Variants in ESYT2 observed in about 807,000 individuals in gnomAD.
ESYT2 encodes extended synaptotagmin 2, also known as extended synaptotagmin-2.
ESYT2 carries 54 observed loss-of-function variants against 107.2 expected under a neutral mutation model. The ratio of observed to expected loss-of-function variants is 0.50; its 90% confidence interval spans 0.40 to 0.63. The LOEUF (loss-of-function observed/expected upper bound fraction) is 0.63. ESYT2 is among the 30% of genes least tolerant of loss of function. The pLI, the probability that ESYT2 is intolerant of heterozygous loss-of-function variation, is 0.00. For synonymous variants in ESYT2, 491 were observed against 434.1 expected, an observed-to-expected ratio of 1.13 and a Z score of -1.63; for missense variants, 1,020 against 1,094.5, an observed-to-expected ratio of 0.93 and a Z score of 0.96.
rs574417376 is a variant in ESYT2, at chr7:158,747,083, C to T, written c.1644+1111G>A. 7.9e-5 allele frequency among the ~76,000 whole-genome samples: 12 copies of T among 151,246 alleles called. No individual in the cohort carries two copies. In the South Asian group the frequency reaches 1.3e-3, roughly 16 times the overall value. ...CAAAGAGGCGGGGTGCGTTGGCTCA[C>T]GCCTGTAATCCCAGCACGTTGGGAG... On this transcript the variant is annotated intron_variant, in intron 16 of 22. Coordinates refer to ENST00000275418, the MANE Select transcript of ESYT2 (RefSeq NM_001367773.1).
At chr7:158,782,125 A>G (rs191099998) in intron 6 of ESYT2, among the ~76,000 whole-genome samples, 10 of 86,454 alleles carry the variant, frequency 1.2e-4, no homozygotes, top group African/African-American at 4.7e-4. Flanking sequence ...GTGTGAGTGT[A>G]AGAACGAGAA....
At chr7:158,760,272 G>A (rs971258785) in intron 11 of ESYT2, 125 bp from the exon 12 acceptor site, 17 of 799,478 alleles carry the variant, frequency 2.1e-5, no homozygotes, top group Admixed American at 4.4e-5. Context: ...TCTCAGTAAC[G>A]CGAAGGCTGA....
chr7:158,827,055 C>T (rs1289894669), intron 1 of ESYT2, among the ~76,000 whole-genome samples: 2 of 149,596 alleles, frequency 1.3e-5, no homozygotes, highest in African/African-American at 2.5e-5. Flanking sequence ...CCCAGCTACT[C>T]GGGAGGCTGA....
intron 1 of ESYT2, among the ~76,000 whole-genome samples, chr7:158,820,316 CAATAT>C (rs1013844087): frequency 1.3e-5 from 2 of 152,148 alleles, no homozygotes; most frequent in East Asian, 1.9e-4. Context: ...TAGTTAGCAA[CAATAT>C]AATATATTCT....
At chr7:158,782,646 A>G (rs1457742189) in intron 6 of ESYT2, among the ~76,000 whole-genome samples, 1 of 50,064 alleles carries the variant, frequency 2.0e-5, no homozygotes, top group African/African-American at 4.8e-5. Context: ...ATGTGAGAAC[A>G]AAGAAGTATT....
At chr7:158,817,936 G>T (rs1470526039) in intron 1 of ESYT2, among the ~76,000 whole-genome samples, 1 of 152,082 alleles carries the variant, frequency 6.6e-6, no homozygotes, top group Admixed American at 6.5e-5. Context: ...TAATATTTAT[G>T]GCATGAAGTT....
chr7:158,794,875 C>T (rs1276003778), intron 3 of ESYT2, among the ~76,000 whole-genome samples: 3 of 152,216 alleles, frequency 2.0e-5, no homozygotes, highest in African/African-American at 7.2e-5. Flanking sequence ...TCAAATCAAA[C>T]TCTAAGCCTT....
chr7:158,739,364 G>A (rs1405610149), intron 18 of ESYT2, among the ~76,000 whole-genome samples: 1 of 152,120 alleles, frequency 6.6e-6, no homozygotes, highest in Admixed American at 6.5e-5. Context: ...TTTGTTTTTT[G>A]AGACGGAGTT....
At chr7:158,744,868 A>G (rs73729979) in intron 16 of ESYT2, among the ~76,000 whole-genome samples, 262 of 152,372 alleles carry the variant, frequency 1.7e-3, no homozygotes, top group African/African-American at 6.0e-3. Context: ...AAACTAAACT[A>G]TAATCACAAA....
intron 10 of ESYT2, 104 bp from the exon 11 acceptor site, chr7:158,761,648 C>T: frequency 1.9e-6 from 2 of 1,052,118 alleles, no homozygotes; most frequent in South Asian, 1.4e-5. Flanking sequence ...CAACCTTAAG[C>T]ATTTGTCTAT....
At position 158,733,714 on chromosome 7, in the gene ESYT2, G is replaced by A. The variant is rs984535352; in HGVS notation, c.*493C>T. On this transcript the variant is annotated 3_prime_UTR_variant, in exon 23 of 23. Coordinates refer to ENST00000275418, the MANE Select transcript of ESYT2 (RefSeq NM_001367773.1). Reference sequence around the variant, plus strand: ...TTTCAAAAAGAAACACCACAAAATAGGTCACTGAGAACTTTTTGCTGCCAA... The same window carrying A: ...TTTCAAAAAGAAACACCACAAAATAAGTCACTGAGAACTTTTTGCTGCCAA... 7.2e-5 allele frequency: 11 copies of A among 152,454 alleles called. No individual in the cohort carries two copies. The highest frequency in any genetic ancestry group is 2.2e-4 in the African/African-American group (9 of 41,384). The allele number at this position is 152,454 out of a possible 1,614,324, so 9.4% of individuals were successfully genotyped here.
intron 16 of ESYT2, 99 bp downstream of exon 16, chr7:158,748,095 G>T: frequency 1.9e-6 from 2 of 1,057,708 alleles, no homozygotes; most frequent in Non-Finnish European, 2.8e-6. Flanking sequence ...TCTGGCGATG[G>T]ATCCCCAGGT....
intron 20 of ESYT2, among the ~76,000 whole-genome samples, 154 bp from the exon 21 acceptor site, chr7:158,735,762 T>C (rs933782967): frequency 2.6e-5 from 4 of 152,208 alleles, no homozygotes; most frequent in African/African-American, 7.2e-5. Flanking sequence ...TAATCTGGCA[T>C]TTCAGGAAGA....
At chr7:158,785,208 A>G (rs1363360599) in intron 6 of ESYT2, among the ~76,000 whole-genome samples, 1 of 152,124 alleles carries the variant, frequency 6.6e-6, no homozygotes, top group Non-Finnish European at 1.5e-5. Flanking sequence ...GGATCACCTG[A>G]GGTCATAAGT....
intron 1 of ESYT2, among the ~76,000 whole-genome samples, chr7:158,802,106 T>G (rs1227186470): frequency 1.3e-5 from 2 of 152,200 alleles, no homozygotes; most frequent in Non-Finnish European, 2.9e-5. Context: ...AAAATTTTCT[T>G]GCCAATTAAA....
intron 4 of ESYT2, among the ~76,000 whole-genome samples, chr7:158,792,758 C>A (rs78581755): frequency 2.1e-5 from 3 of 142,812 alleles, no homozygotes; most frequent in Admixed American, 7.0e-5. Flanking sequence ...CTGAGTATAA[C>A]GTGGGGTTTT....
chr7:158,743,455 C>CG, intron 17 of ESYT2, 74 bp downstream of exon 17: 2 of 1,547,338 alleles, frequency 1.3e-6, no homozygotes, highest in South Asian at 1.2e-5. Flanking sequence ...GCCTCATGCC[C>CG]GGGGCCCATG....
In ESYT2 at chr7:158,788,044, G is replaced by A; in HGVS notation, c.707C>T (p.Pro236Leu). The A allele has an allele frequency of 6.2e-7, 1 of 1,613,972 alleles. No individual in the cohort carries two copies. The highest frequency in any genetic ancestry group is 1.1e-5 in the South Asian group (1 of 91,068). Residue 236 changes from proline to leucine, a missense_variant, in exon 6 of 23, where the codon CCC becomes CTC. Transcript: ENST00000275418. The stretch of plus-strand genomic sequence containing the variant: ...GAAGATAGACAAAGCTCCAACTAAG[G>A]GCATATCTCCAATCAACGGTTCCAG... ...VILEPLIGDM[P>L]LVGALSIFFL...
At chr7:158,823,635 A>T (rs779650325) in intron 1 of ESYT2, among the ~76,000 whole-genome samples, 1 of 152,056 alleles carries the variant, frequency 6.6e-6, no homozygotes, top group Admixed American at 6.6e-5. Flanking sequence ...CCTGATGTCT[A>T]TATTTTTTAA....
Sources: allele counts gnomAD v4.1 joint callset (sites outside exome capture counted in the v4.1 genomes callset), GRCh38; gene constraint gnomAD v4.1.1; transcripts MANE v1.5; gene names NCBI Gene and HGNC (gene_info 2026-07-23, HGNC 2026-07-21).